The following EVC variants were observed in gnomAD, a reference collection of about 807,000 sequenced individuals.
EVC encodes the protein EvC ciliary complex subunit 1.
EVC carries 116 observed loss-of-function variants against 118.9 expected under a neutral mutation model. The observed-to-expected ratio is 0.98, with a 90% CI of 0.84 to 1.14. The LOEUF (loss-of-function observed/expected upper bound fraction) is 1.14, where lower values mean the gene tolerates loss of function less well. Among genes scored for constraint, EVC ranks in the 50% most tolerant of loss-of-function variants. EVC has a pLI of 0.00. For missense variants in EVC, 1,401 were observed against 1,246.4 expected (o/e 1.12, Z -1.87); for synonymous variants, 619 against 534.7 (o/e 1.16, Z -2.18).
intron 7 of EVC, 45 bp from the exon 8 acceptor site, chr4:5,748,103 G>T (rs1560328588): frequency 6.2e-7 from 1 of 1,612,086 alleles, no homozygotes; most frequent in South Asian, 1.1e-5. Flanking sequence ...GCTTTCTTAA[G>T]TAAGTTTTTC....
Position 5,798,696 on chromosome 4 carries a change from G to A in EVC, c.2208G>A (p.Leu736=), listed in dbSNP as rs2152345788. 6.2e-7 allele frequency: 1 copy of A among 1,608,362 alleles called. No homozygotes were observed. The highest frequency in any genetic ancestry group is 8.5e-7 in the Non-Finnish European group (1 of 1,178,940). ...AGGCCCAGGAGGTGGGGCAGCTTCT[G>A]CAGCAGCACATGGAGTGCGCCATTG... ...LAEAQEVGQL[L]QQHMECAIGQ... is the part of the protein sequence containing the mutation. Residue 736 remains leucine, a synonymous_variant, in exon 15 of 21, where the codon CTG becomes CTA. Coordinates refer to ENST00000264956, the MANE Select transcript of EVC (RefSeq NM_153717.3). The surrounding 1 kb of genome is among the most constrained non-coding windows in gnomAD (Gnocchi z 4.1).
chr4:5,812,564 G>C lies in EVC; in HGVS notation c.*1527G>C, dbSNP rs903802934. ...AGACCAGCCCTTCACACCACAGCCA[G>C]GAGAGGCCTTTCCCACCTGGAGAGA... On this transcript the variant is annotated 3_prime_UTR_variant, in exon 21 of 21. Coordinates refer to ENST00000264956, the MANE Select transcript of EVC (RefSeq NM_153717.3). 1 of 166,278 alleles carries C rather than the reference G, an allele frequency of 6.0e-6. No individual in the cohort carries two copies. The highest frequency in any genetic ancestry group is 2.5e-5 in the African/African-American group (1 of 40,726). The allele number at this position is 166,278 out of a possible 1,614,324, so 10.3% of individuals were successfully genotyped here.
At chr4:5,775,509 T>A (rs1210979271) in intron 11 of EVC, among the ~76,000 whole-genome samples, 1 of 152,168 alleles carries the variant, frequency 6.6e-6, no homozygotes, top group Non-Finnish European at 1.5e-5. Context: ...CTTTGGCAGT[T>A]TTTGAACTTT....
Position 5,742,579 on chromosome 4 carries a change from C to T in EVC, c.801+765C>T, listed in dbSNP as rs1019794147. Among the ~76,000 whole-genome samples, 1 of 152,092 alleles carries T rather than the reference C, an allele frequency of 6.6e-6. No homozygotes were observed. Among genetic ancestry groups the T allele is most frequent in the Non-Finnish European group, 1.5e-5 (1 of 68,014 alleles). On this transcript the variant is annotated intron_variant, in intron 6 of 20. Transcript: ENST00000264956. The surrounding 1 kb of genome is among the most constrained non-coding windows in gnomAD (Gnocchi z 5.2). Reference sequence around the variant, plus strand: ...TGACATCATCATTCTTTGTCTTTACCACCATCATCATCATCCTCATGACCG... The same window carrying T: ...TGACATCATCATTCTTTGTCTTTACTACCATCATCATCATCCTCATGACCG...
At chr4:5,778,369 G>A (rs12641159) in intron 11 of EVC, among the ~76,000 whole-genome samples, 76,047 of 151,458 alleles carry the variant, frequency 0.5, 20,197 homozygotes, top group African/African-American at 0.67. Context: ...TGGGATGGCC[G>A]GGTCAAATGG....
chr4:5,759,169 G>A lies in EVC; in HGVS notation c.1563+2807G>A, dbSNP rs1731631129. ...TAGCATCTTAAGTCTCCGTCCAAAGGTGTGTTTTTTACTATTATAATGGCG... is the reference window on the plus strand; with the variant it reads ...TAGCATCTTAAGTCTCCGTCCAAAGATGTGTTTTTTACTATTATAATGGCG... On this transcript the variant is annotated intron_variant, in intron 11 of 20. Coordinates refer to ENST00000264956, the MANE Select transcript of EVC (RefSeq NM_153717.3). 3.3e-5 allele frequency among the ~76,000 whole-genome samples: 5 copies of A among 152,136 alleles called. No homozygotes were observed. The South Asian group carries it at 1.0e-3, about 32-fold the overall frequency.
At chr4:5,822,875 C>A in the EVC span, among the ~76,000 whole-genome samples, 1 of 152,246 alleles carries the variant, frequency 6.6e-6, no homozygotes, top group African/African-American at 2.4e-5. Flanking sequence ...ATTATCAGTA[C>A]TGCACAAAGC....
rs925653274 is a variant in EVC, at chr4:5,743,225, C to T, written c.801+1411C>T. 2.2e-4 allele frequency among the ~76,000 whole-genome samples: 33 copies of T among 152,210 alleles called. No homozygotes were observed. Among genetic ancestry groups the T allele is most frequent in the Middle Eastern group, 3.4e-3 (1 of 294 alleles). On this transcript the variant is annotated intron_variant, in intron 6 of 20. Transcript: ENST00000264956. This position sits in a 1 kb window ranked among gnomAD's most constrained non-coding sequence, Gnocchi z 4.7. ...TTCATCACCATCCACTGGTTCCTGC[C>T]GGTTTCTTCACTTTATCCTGTCTGG...
chr4:5,795,126 C>T (rs563199699), intron 13 of EVC, among the ~76,000 whole-genome samples: 1 of 152,312 alleles, frequency 6.6e-6, no homozygotes, highest in Admixed American at 6.5e-5. Context: ...TTTATCCAAT[C>T]CACCATTGAT....
chr4:5,808,023 GA>G (rs1716204893), intron 17 of EVC, among the ~76,000 whole-genome samples, 177 bp from the exon 18 acceptor site: 1 of 152,180 alleles, frequency 6.6e-6, no homozygotes, highest in Non-Finnish European at 1.5e-5. Context: ...CTTTGATGGA[GA>G]GGCAGCCTGC....
the EVC span, chr4:5,828,587 C>G: frequency 6.2e-7 from 1 of 1,614,206 alleles, no homozygotes; most frequent in Non-Finnish European, 8.5e-7. Flanking sequence ...TTTCCGTCTT[C>G]AAAGACGATC....
chr4:5,806,255 T>C (rs1346391489), intron 17 of EVC, among the ~76,000 whole-genome samples: 1 of 151,916 alleles, frequency 6.6e-6, no homozygotes. Flanking sequence ...AATTTTTTTG[T>C]ATTTTTAGTA....
downstream of EVC, among the ~76,000 whole-genome samples, chr4:5,815,734 C>T (rs1438977256): frequency 6.6e-6 from 1 of 152,148 alleles, no homozygotes; most frequent in South Asian, 2.1e-4. Context: ...CCTCTATAGC[C>T]CTTAACAGAG....
intron 11 of EVC, among the ~76,000 whole-genome samples, chr4:5,783,090 G>A (rs778369974): frequency 2.7e-5 from 4 of 150,504 alleles, no homozygotes; most frequent in Admixed American, 6.7e-5. Flanking sequence ...GCGTGTGTGC[G>A]TGTGTGTGTG....
the EVC span, among the ~76,000 whole-genome samples, chr4:5,827,123 G>C: frequency 2.0e-5 from 3 of 152,186 alleles, no homozygotes; most frequent in African/African-American, 7.2e-5. Flanking sequence ...GGGACCCCCC[G>C]ATCCTATTGC....
At chr4:5,727,052 A>G (rs998586237) in intron 2 of EVC, among the ~76,000 whole-genome samples, 1 of 152,186 alleles carries the variant, frequency 6.6e-6, no homozygotes, top group African/African-American at 2.4e-5. Flanking sequence ...GTGTCTTTAT[A>G]GCAGCATGAT....
chr4:5,821,600 G>A, the EVC span: 1 of 698,326 alleles, frequency 1.4e-6, no homozygotes, highest in East Asian at 2.7e-5. The surrounding 1 kb of genome is among the most constrained non-coding windows in gnomAD (Gnocchi z 4.4). Flanking sequence ...CACCACACTA[G>A]TACCACTTCT....
chr4:5,801,780 A>G (rs1419361470), intron 15 of EVC, 170 bp from the exon 16 acceptor site: 4 of 688,526 alleles, frequency 5.8e-6, no homozygotes, highest in South Asian at 1.6e-5. Flanking sequence ...TAGGATTCCC[A>G]TGACTAGTTT....
intron 11 of EVC, among the ~76,000 whole-genome samples, chr4:5,775,512 T>A (rs1306478574): frequency 6.6e-6 from 1 of 152,180 alleles, no homozygotes; most frequent in Non-Finnish European, 1.5e-5. Flanking sequence ...TGGCAGTTTT[T>A]GAACTTTATA....
Sources: allele counts gnomAD v4.1 joint callset (sites outside exome capture counted in the v4.1 genomes callset), GRCh38; gene constraint gnomAD v4.1.1; non-coding constraint Gnocchi (gnomAD v3.1); transcripts MANE v1.5; gene names NCBI Gene and HGNC (gene_info 2026-07-23, HGNC 2026-07-21).